The following PCCA variants were observed in gnomAD, a reference collection of about 807,000 sequenced individuals.
PCCA encodes the protein propionyl-CoA carboxylase subunit alpha.
PCCA carries 74 observed loss-of-function variants against 101.3 expected under a neutral mutation model. The observed-to-expected ratio is 0.73, with a 90% CI of 0.61 to 0.89. PCCA has a LOEUF of 0.89. Ranked by LOEUF, PCCA falls within the 40% of genes least tolerant of loss-of-function variation. The probability of loss-of-function intolerance (pLI) is 0.00; values close to 1 mark genes in which losing one functional copy is unlikely to be tolerated. For synonymous variants in PCCA, 294 were observed against 313.6 expected (o/e 0.94, Z 0.66); for missense variants, 891 against 907.0 (o/e 0.98, Z 0.23).
chr13:100,113,871 G>A (rs556920406), intron 4 of PCCA, among the ~76,000 whole-genome samples: 96 of 152,080 alleles, frequency 6.3e-4, no homozygotes, highest in Admixed American at 1.1e-3. Context: ...GAGCCACCAC[G>A]CCCGGTTTAC....
intron 21 of PCCA, among the ~76,000 whole-genome samples, chr13:100,464,235 G>T (rs183860862): frequency 6.6e-6 from 1 of 152,150 alleles, no homozygotes; most frequent in African/African-American, 2.4e-5. Context: ...GGGCAGGGGT[G>T]GGGGAGGAAT....
At chr13:100,261,358 T>A (rs148666672) in intron 9 of PCCA, among the ~76,000 whole-genome samples, 1,945 of 151,912 alleles carry the variant, frequency 0.013, 47 homozygotes, top group African/African-American at 0.045. Flanking sequence ...GTTTTTTTTT[T>A]AATTGTTTTT....
chr13:100,422,108 T>TTCTTTC (rs2078842798), intron 19 of PCCA, among the ~76,000 whole-genome samples: 1 of 146,314 alleles, frequency 6.8e-6, no homozygotes, highest in African/African-American at 2.6e-5. Context: ...CTTTCTTTCT[T>TTCTTTC]TCTTTCTTTC....
At chr13:100,513,283 G>T (rs915658484) in intron 21 of PCCA, among the ~76,000 whole-genome samples, 1 of 152,200 alleles carries the variant, frequency 6.6e-6, no homozygotes, top group African/African-American at 2.4e-5. Flanking sequence ...TTGCACCAAG[G>T]CCTCTCTGGA....
intron 17 of PCCA, among the ~76,000 whole-genome samples, chr13:100,331,204 AG>A (rs1038764546): frequency 6.6e-6 from 1 of 152,248 alleles, no homozygotes; most frequent in Non-Finnish European, 1.5e-5. Context: ...AAGCATTTCC[AG>A]GTAGTAGAAA....
chr13:100,139,465 G>A (rs1594316508), intron 4 of PCCA, among the ~76,000 whole-genome samples: 3 of 151,442 alleles, frequency 2.0e-5, no homozygotes, highest in Middle Eastern at 3.4e-3. Context: ...CTGTTGATCA[G>A]TCTTCAGATT....
In PCCA at chr13:100,329,930, G is replaced by A. The variant is rs114678032; in HGVS notation, c.1430-631G>A. ...AAAAACTGCAATGCTTGCAGCTGGCGTTGGTCAACGAGAAATGTCCAATTT... is the reference window on the plus strand; with the variant it reads ...AAAAACTGCAATGCTTGCAGCTGGCATTGGTCAACGAGAAATGTCCAATTT... On this transcript the variant is annotated intron_variant, in intron 16 of 23. Coordinates refer to ENST00000376285, the MANE Select transcript of PCCA (RefSeq NM_000282.4). 6.9e-3 allele frequency among the ~76,000 whole-genome samples: 1,044 copies of A among 152,276 alleles called. 12 individuals carry two copies. Among genetic ancestry groups the A allele is most frequent in the African/African-American group, 0.024 (995 of 41,550 alleles).
intron 21 of PCCA, among the ~76,000 whole-genome samples, chr13:100,451,739 T>TCTC (rs1491418935): frequency 9.2e-5 from 8 of 87,254 alleles, no homozygotes; most frequent in African/African-American, 3.7e-4. Flanking sequence ...TCTCTCTCTC[T>TCTC]TCTCTCCTTC....
chr13:100,257,661 A>G lies in PCCA; in HGVS notation c.704A>G (p.Asp235Gly), dbSNP rs760244758. 9.3e-6 allele frequency: 15 copies of G among 1,612,904 alleles called. No individual in the cohort carries two copies. Among genetic ancestry groups the G allele is most frequent in the African/African-American group, 4.0e-5 (3 of 75,030 alleles). ...AAAGGCATGCGCATTGCTTGGGATG[A>G]TGAAGAGACCAGGTGAGAGGCTGTC... ...GGKGMRIAWD[D>G]EETRDGFRLS... Residue 235 changes from aspartate (D) to glycine (G), a missense_variant, in exon 9 of 24, where the codon GAT (aspartate) becomes GGT (glycine). Transcript: ENST00000376285.
At chr13:100,423,018 T>C (rs1245766231) in intron 19 of PCCA, among the ~76,000 whole-genome samples, 2 of 152,120 alleles carry the variant, frequency 1.3e-5, no homozygotes, top group Admixed American at 1.3e-4. Flanking sequence ...TTTTTTTTTT[T>C]TTCCAAATTG....
At chr13:100,379,195 G>C (rs1380886235) in intron 19 of PCCA, among the ~76,000 whole-genome samples, 1 of 152,080 alleles carries the variant, frequency 6.6e-6, no homozygotes, top group Non-Finnish European at 1.5e-5. Context: ...GATTTCTTTG[G>C]CTGTAAACAG....
intron 2 of PCCA, among the ~76,000 whole-genome samples, chr13:100,108,134 G>A (rs1306436715): frequency 6.6e-6 from 1 of 152,218 alleles, no homozygotes; most frequent in African/African-American, 2.4e-5. Flanking sequence ...TAGAGCCTGG[G>A]AGAGAGCATC....
At chr13:100,321,078 G>A (rs2067984604) in intron 16 of PCCA, among the ~76,000 whole-genome samples, 1 of 152,082 alleles carries the variant, frequency 6.6e-6, no homozygotes, top group Non-Finnish European at 1.5e-5. Context: ...TTATCTTTGG[G>A]TCCTTCTCAT....
intron 13 of PCCA, 89 bp from the exon 14 acceptor site, chr13:100,302,835 A>G (rs576113180): frequency 3.7e-6 from 3 of 810,328 alleles, no homozygotes; most frequent in Non-Finnish European, 6.7e-6. Flanking sequence ...AAATAGACCT[A>G]TAAATGGTTC....
intron 21 of PCCA, among the ~76,000 whole-genome samples, chr13:100,502,933 A>G (rs2085786913): frequency 6.6e-6 from 1 of 152,206 alleles, no homozygotes; most frequent in Non-Finnish European, 1.5e-5. Context: ...AGCGTTGGGA[A>G]AGGTTGTGGA....
chr13:100,289,137 C>G (rs1161975973), intron 12 of PCCA, among the ~76,000 whole-genome samples: 1 of 152,056 alleles, frequency 6.6e-6, no homozygotes, highest in African/African-American at 2.4e-5. Context: ...GGGTTTATGA[C>G]TCTTGTACAT....
chr13:100,419,878 G>A (rs954359851), intron 19 of PCCA, among the ~76,000 whole-genome samples: 1 of 152,214 alleles, frequency 6.6e-6, no homozygotes, highest in Admixed American at 6.5e-5. Context: ...ATTAATGTAA[G>A]TTTGGTGCAC....
rs1406561748 is a variant in PCCA at position 100,111,972 on chromosome 13, CATT to C, written c.232-19_232-17del. 6.5e-7 allele frequency: 1 copy of C among 1,543,598 alleles called. No homozygotes were observed. The highest frequency in any genetic ancestry group is 1.4e-5 in the African/African-American group (1 of 73,528). On this transcript the variant is annotated intron_variant, in intron 3 of 23. Transcript: ENST00000376285. ...TTAAGTGTGAATCACTATTAATAGA[CATT>C]AATATATTTTAAAATAGGTTATTAG...
chr13:100,402,691 C>T (rs1436216785), intron 19 of PCCA, among the ~76,000 whole-genome samples: 1 of 152,066 alleles, frequency 6.6e-6, no homozygotes, highest in Non-Finnish European at 1.5e-5. Flanking sequence ...AAAGACCCAG[C>T]CCTATTTAGC....
Sources: allele counts gnomAD v4.1 joint callset (sites outside exome capture counted in the v4.1 genomes callset), GRCh38; gene constraint gnomAD v4.1.1; transcripts MANE v1.5; gene names NCBI Gene and HGNC (gene_info 2026-07-23, HGNC 2026-07-21).